The following EPHA5 variants were observed in gnomAD, a reference collection of about 807,000 sequenced individuals.
EPHA5 encodes ephrin type-A receptor 5.
A neutral mutation model predicts 105.0 loss-of-function variants in EPHA5; 60 were observed. That is an observed-to-expected ratio of 0.57 (90% CI 0.46 to 0.71). The LOEUF is 0.71. Ranked by LOEUF, EPHA5 falls within the 30% of genes least tolerant of loss-of-function variation. The pLI is 0.00. For missense variants in EPHA5, 1,218 were observed against 1,274.7 expected, an observed-to-expected ratio of 0.96 and a Z score of 0.68; for synonymous variants, 513 against 449.1, an observed-to-expected ratio of 1.14 and a Z score of -1.80.
chr4:65,519,236 T>C (rs1008174915), intron 3 of EPHA5, among the ~76,000 whole-genome samples: 1 of 152,032 alleles, frequency 6.6e-6, no homozygotes, highest in Non-Finnish European at 1.5e-5. Flanking sequence ...TGCAAATCAA[T>C]AACTGTAAAC....
chr4:65,469,063 G>A (rs1218191145), intron 5 of EPHA5, among the ~76,000 whole-genome samples: 1 of 152,046 alleles, frequency 6.6e-6, no homozygotes, highest in Non-Finnish European at 1.5e-5. Flanking sequence ...ATGAACGGAG[G>A]AAGAGAAGTT....
chr4:65,565,803 A>T (rs1412409102), intron 3 of EPHA5, among the ~76,000 whole-genome samples: 4 of 151,770 alleles, frequency 2.6e-5, no homozygotes, highest in Non-Finnish European at 5.9e-5. Flanking sequence ...ACAGAATATA[A>T]ATGAAATATT....
intron 5 of EPHA5, among the ~76,000 whole-genome samples, chr4:65,443,776 G>A (rs1726237090): frequency 6.6e-6 from 1 of 152,180 alleles, no homozygotes; most frequent in South Asian, 2.1e-4. Context: ...GGTGAACTCT[G>A]ACAGAAAACC....
intron 3 of EPHA5, among the ~76,000 whole-genome samples, chr4:65,525,931 T>A (rs80041543): frequency 2.6e-5 from 4 of 151,846 alleles, no homozygotes; most frequent in African/African-American, 7.2e-5. Context: ...TATAAAGAGA[T>A]GAACATTTCC....
At chr4:65,340,491 A>G (rs1721606797) in intron 14 of EPHA5, among the ~76,000 whole-genome samples, 1 of 152,108 alleles carries the variant, frequency 6.6e-6, no homozygotes, top group African/African-American at 2.4e-5. Flanking sequence ...AGGGAGAAAT[A>G]TGTGTGAAAC....
At chr4:65,391,406 G>A (rs553728976) in intron 8 of EPHA5, among the ~76,000 whole-genome samples, 2 of 152,218 alleles carry the variant, frequency 1.3e-5, no homozygotes, top group East Asian at 1.9e-4. Context: ...CCTGGTTCAT[G>A]TAAGACCTTA....
intron 5 of EPHA5, among the ~76,000 whole-genome samples, chr4:65,434,582 G>T (rs917394558): frequency 1.3e-5 from 2 of 151,340 alleles, no homozygotes; most frequent in African/African-American, 4.9e-5. Flanking sequence ...GGTTTTTTTT[G>T]GATATTGATC....
intron 3 of EPHA5, chr4:65,574,230 A>AT: frequency 6.2e-7 from 1 of 1,602,200 alleles, no homozygotes; most frequent in Non-Finnish European, 8.5e-7. Flanking sequence ...GGACTCACAA[A>AT]TTTTATCAAA....
At chr4:65,465,421 AT>A (rs1490231725) in intron 5 of EPHA5, among the ~76,000 whole-genome samples, 5 of 150,374 alleles carry the variant, frequency 3.3e-5, no homozygotes, top group African/African-American at 1.2e-4. Flanking sequence ...GTGAGACTCC[AT>A]CCCCCCACCC....
chr4:65,439,649 C>A (rs779026808), intron 5 of EPHA5, among the ~76,000 whole-genome samples: 2 of 152,052 alleles, frequency 1.3e-5, no homozygotes, highest in Non-Finnish European at 2.9e-5. Flanking sequence ...TAAAGACAGA[C>A]GACAGGGTAT....
In EPHA5 at chr4:65,552,674, TAGTGTC is replaced by T. The variant is rs67225964; in HGVS notation, c.910+48961_910+48966del. Among the ~76,000 whole-genome samples the T allele has an allele frequency of 5.9e-3, 898 of 152,256 alleles. 4 individuals carry two copies. The highest frequency in any genetic ancestry group is 9.9e-3 in the Non-Finnish European group (670 of 68,010). On this transcript the variant is annotated intron_variant, in intron 3 of 16. Coordinates refer to ENST00000613740, the MANE Select transcript of EPHA5 (RefSeq NM_001281766.3). ...ATACTTGTGAATGTATAGAGTCTCT[TAGTGTC>T]AGGTCACAACATTATTTAAGATTCT...
intron 2 of EPHA5, among the ~76,000 whole-genome samples, chr4:65,631,733 T>TA (rs1560797258): frequency 1.4e-3 from 157 of 109,588 alleles, no homozygotes; most frequent in Admixed American, 3.0e-3. Context: ...AAACTTAAAG[T>TA]ATAATAATAA....
At position 65,468,445 on chromosome 4, in the gene EPHA5, GA is replaced by G. The variant is rs1019853943; in HGVS notation, c.1402+21931del. 3.4e-5 allele frequency among the ~76,000 whole-genome samples: 5 copies of G among 146,478 alleles called. No homozygotes were observed. In the Admixed American group the frequency reaches 3.5e-4, roughly 10 times the overall value. Reference sequence around the variant, plus strand: ...ATAAAATAATTTATAAAATAAACTGGAAAAATAGCCAGGGGGGAGATATATA... The same window carrying G: ...ATAAAATAATTTATAAAATAAACTGGAAAATAGCCAGGGGGGAGATATATA... On this transcript the variant is annotated intron_variant, in intron 5 of 16. Transcript: ENST00000613740.
chr4:65,438,203 T>G (rs1391672677), intron 5 of EPHA5, among the ~76,000 whole-genome samples: 1 of 151,954 alleles, frequency 6.6e-6, no homozygotes. Context: ...ACTCATTCAT[T>G]TAATGACTAA....
intron 11 of EPHA5, among the ~76,000 whole-genome samples, chr4:65,357,570 AG>A (rs1295226260): frequency 1.3e-5 from 2 of 151,474 alleles, no homozygotes; most frequent in African/African-American, 4.8e-5. Flanking sequence ...TGATCCAAGC[AG>A]TGTATTGTGA....
chr4:65,490,300 C>A (rs1187875176), intron 5 of EPHA5, 77 bp downstream of exon 5: 18 of 1,392,198 alleles, frequency 1.3e-5, no homozygotes, highest in Non-Finnish European at 1.7e-5. Context: ...AGATTTCAGT[C>A]AACTTGGCCG....
At chr4:65,542,538 T>C (rs1355380653) in intron 3 of EPHA5, among the ~76,000 whole-genome samples, 1 of 151,956 alleles carries the variant, frequency 6.6e-6, no homozygotes, top group Non-Finnish European at 1.5e-5. Flanking sequence ...GTCGAATCCC[T>C]GGGTATACAA....
intron 3 of EPHA5, among the ~76,000 whole-genome samples, chr4:65,533,285 T>G (rs2149306567): frequency 6.6e-6 from 1 of 152,280 alleles, no homozygotes; most frequent in Non-Finnish European, 1.5e-5. Context: ...TTGAAAAATT[T>G]TTGCCATATC....
rs1719632999 is a variant in EPHA5 at position 65,321,439 on chromosome 4, G to T, written c.*2675C>A. 4.3e-6 allele frequency: 1 copy of T among 230,056 alleles called. No individual in the cohort carries two copies. Among genetic ancestry groups the T allele is most frequent in the Non-Finnish European group, 8.6e-6 (1 of 116,032 alleles). 14.3% of individuals were successfully genotyped at this position (230,056 alleles called of 1,614,324 possible). On this transcript the variant is annotated 3_prime_UTR_variant, in exon 17 of 17. Coordinates refer to ENST00000613740, the MANE Select transcript of EPHA5 (RefSeq NM_001281766.3). ...AGATGAGATTGGCATTTTCCAATTG[G>T]TGACATATACAATAGGAAACAAATA...
Sources: allele counts gnomAD v4.1 joint callset (sites outside exome capture counted in the v4.1 genomes callset), GRCh38; gene constraint gnomAD v4.1.1; transcripts MANE v1.5; gene names NCBI Gene and HGNC (gene_info 2026-07-23, HGNC 2026-07-21).